PARM1: variants seen among roughly 807,000 people sequenced by gnomAD.
PARM1 encodes the protein prostate androgen-regulated mucin-like protein 1.
PARM1 carries 14 observed loss-of-function variants against 24.6 expected under a neutral mutation model. The observed-to-expected ratio is 0.57, with a 90% CI of 0.38 to 0.89. The LOEUF (loss-of-function observed/expected upper bound fraction) is 0.89. PARM1 is among the 40% of genes least tolerant of loss of function. PARM1 has a pLI of 0.00. For missense variants in PARM1, 362 were observed against 380.4 expected, an observed-to-expected ratio of 0.95 and a Z score of 0.40; for synonymous variants, 179 against 156.6, an observed-to-expected ratio of 1.14 and a Z score of -1.07.
At chr4:74,970,590 T>G (rs1287383796) in intron 1 of PARM1, among the ~76,000 whole-genome samples, 1 of 152,206 alleles carries the variant, frequency 6.6e-6, no homozygotes, top group Non-Finnish European at 1.5e-5. Flanking sequence ...CTAATCTAAC[T>G]GTGATAAATA....
intron 1 of PARM1, among the ~76,000 whole-genome samples, chr4:74,951,582 C>T (rs1350215069): frequency 3.9e-5 from 6 of 152,134 alleles, no homozygotes; most frequent in Non-Finnish European, 2.9e-5. Flanking sequence ...AATGCTGTCC[C>T]TCCCCTAGCC....
At position 75,012,695 on chromosome 4, in the gene PARM1, C is replaced by T. The variant is rs1394712336; in HGVS notation, c.314C>T (p.Ser105Leu). 26 of 1,613,888 alleles carry T rather than the reference C, an allele frequency of 1.6e-5. No homozygotes were observed. The highest frequency in any genetic ancestry group is 4.4e-5 in the South Asian group (4 of 91,078). ...TGGGAAGGCACAAACACAGACCCCT[C>T]ACCTTCTGGGTTCTCGTCAACAAGC... ...SNWEGTNTDP[S>L]PSGFSSTSGG... The change falls in exon 2 of 4, where the codon TCA (serine) becomes TTA (leucine). Residue 105 changes from serine (S) to leucine (L), a missense_variant. Ser to Leu is a moderately radical substitution (Grantham distance 145, BLOSUM62 -2). Transcript: ENST00000307428.
At chr4:74,937,763 T>G (rs1721223240) in intron 1 of PARM1, among the ~76,000 whole-genome samples, 1 of 152,242 alleles carries the variant, frequency 6.6e-6, no homozygotes, top group African/African-American at 2.4e-5. Flanking sequence ...GTACTTGAAC[T>G]ATGTAAATCA....
chr4:75,037,206 A>C (rs941063924), intron 3 of PARM1, among the ~76,000 whole-genome samples: 3 of 152,186 alleles, frequency 2.0e-5, no homozygotes, highest in Non-Finnish European at 4.4e-5. Context: ...AGATTTCTAA[A>C]AACAATAACA....
chr4:74,964,577 A>ACACT (rs377411929), intron 1 of PARM1, among the ~76,000 whole-genome samples: 60 of 152,044 alleles, frequency 3.9e-4, no homozygotes, highest in African/African-American at 1.4e-3. Context: ...ACACACACAC[A>ACACT]CATTGCATCC....
chr4:75,025,677 G>A (rs1025945608), intron 2 of PARM1, among the ~76,000 whole-genome samples: 2 of 150,630 alleles, frequency 1.3e-5, no homozygotes, highest in East Asian at 3.9e-4. Context: ...AATGAAGGAA[G>A]AGGAAACAAG....
chr4:75,027,185 T>C (rs146380142), intron 2 of PARM1, among the ~76,000 whole-genome samples: 1 of 152,208 alleles, frequency 6.6e-6, no homozygotes, highest in East Asian at 1.9e-4. Context: ...TGCCTGCCTA[T>C]CCCATCCAAT....
intron 1 of PARM1, among the ~76,000 whole-genome samples, chr4:74,960,465 A>G (rs1274813991): frequency 1.3e-5 from 2 of 152,200 alleles, no homozygotes; most frequent in Non-Finnish European, 1.5e-5. Flanking sequence ...TTAAGTTTAC[A>G]TGTTGGGCTG....
At chr4:74,998,757 C>T (rs181311803) in intron 1 of PARM1, among the ~76,000 whole-genome samples, 2 of 152,326 alleles carry the variant, frequency 1.3e-5, no homozygotes, top group Middle Eastern at 3.4e-3. Context: ...ATTGACTTCC[C>T]TTCTCTAGCC....
intron 1 of PARM1, among the ~76,000 whole-genome samples, chr4:74,970,610 T>C (rs972531374): frequency 2.6e-5 from 4 of 152,288 alleles, no homozygotes; most frequent in Non-Finnish European, 4.4e-5. Flanking sequence ...AGCTATTCAA[T>C]TGCCTGGCAC....
intron 1 of PARM1, among the ~76,000 whole-genome samples, chr4:74,946,385 TC>T (rs1361667427): frequency 1.3e-5 from 2 of 152,336 alleles, no homozygotes; most frequent in Non-Finnish European, 2.9e-5. Flanking sequence ...TCATCTCTTA[TC>T]AGTAACTCCT....
At chr4:75,024,869 T>C (rs1723154818) in intron 2 of PARM1, among the ~76,000 whole-genome samples, 1 of 152,188 alleles carries the variant, frequency 6.6e-6, no homozygotes, top group African/African-American at 2.4e-5. Flanking sequence ...CCGCTAATTA[T>C]TGTATTTTTA....
At chr4:74,946,148 G>A (rs1308731601) in intron 1 of PARM1, among the ~76,000 whole-genome samples, 1 of 152,144 alleles carries the variant, frequency 6.6e-6, no homozygotes, top group Non-Finnish European at 1.5e-5. Flanking sequence ...TGCCGTTCAG[G>A]TCACTGAGGT....
At chr4:74,971,654 T>C (rs1289499883) in intron 1 of PARM1, among the ~76,000 whole-genome samples, 1 of 152,132 alleles carries the variant, frequency 6.6e-6, no homozygotes, top group African/African-American at 2.4e-5. Flanking sequence ...TATCTGAAAA[T>C]AAAGCATGAG....
chr4:75,010,017 A>G (rs1361333193), intron 1 of PARM1, among the ~76,000 whole-genome samples: 1 of 152,228 alleles, frequency 6.6e-6, no homozygotes, highest in East Asian at 1.9e-4. Context: ...TGCCCAAAAG[A>G]ACTGACAGCA....
intron 1 of PARM1, among the ~76,000 whole-genome samples, chr4:74,982,892 G>A (rs1350124245): frequency 6.6e-6 from 1 of 152,126 alleles, no homozygotes; most frequent in Non-Finnish European, 1.5e-5. Context: ...ACTATTCAGA[G>A]GACAGCTCTC....
chr4:74,998,609 G>C (rs1722619625), intron 1 of PARM1, among the ~76,000 whole-genome samples: 1 of 151,870 alleles, frequency 6.6e-6, no homozygotes, highest in South Asian at 2.1e-4. Flanking sequence ...TTTTGCAGAG[G>C]GTATTCATTC....
At chr4:74,941,385 C>G (rs1046540517) in intron 1 of PARM1, among the ~76,000 whole-genome samples, 5 of 152,054 alleles carry the variant, frequency 3.3e-5, no homozygotes, top group Non-Finnish European at 7.4e-5. Context: ...GTGGCTGTTT[C>G]AGAATTTCTG....
intron 1 of PARM1, among the ~76,000 whole-genome samples, chr4:74,937,799 A>T (rs368829308): frequency 2.0e-5 from 3 of 152,370 alleles, no homozygotes; most frequent in African/African-American, 7.2e-5. Flanking sequence ...ATTCCAGTGC[A>T]GTGCCAGCTG....
Sources: gnomAD v4.1 joint callset for allele counts (sites outside exome capture counted in the v4.1 genomes callset) on GRCh38, gnomAD v4.1.1 for gene constraint, MANE v1.5 for transcripts, NCBI Gene and HGNC (gene_info 2026-07-23, HGNC 2026-07-21) for gene names.